Variants in THSD4 observed in about 807,000 individuals in gnomAD.
THSD4 encodes thrombospondin type 1 domain containing 4, also known as thrombospondin type-1 domain-containing protein 4.
Under a neutral mutation model 119.0 loss-of-function variants are expected in THSD4, and 69 were observed. The ratio of observed to expected loss-of-function variants is 0.58; its 90% CI spans 0.48 to 0.71. The LOEUF is 0.71. Among genes scored for constraint, THSD4 ranks in the 30% least tolerant of loss-of-function variants. The pLI is 0.00. For missense variants in THSD4, 1,393 were observed against 1,391.1 expected, an observed-to-expected ratio of 1.00 and a Z score of -0.02; for synonymous variants, 524 against 540.4, an observed-to-expected ratio of 0.97 and a Z score of 0.42.
At chr15:71,235,714 G>T (rs142917079) in intron 4 of THSD4, among the ~76,000 whole-genome samples, 14 of 150,716 alleles carry the variant, frequency 9.3e-5, no homozygotes, top group Non-Finnish European at 1.5e-4. Context: ...AGCCTCTCCC[G>T]AGTAGCTGGG....
chr15:71,735,590 CTCTCTCTTGCTCTCTG>C (rs1411701441), intron 10 of THSD4, among the ~76,000 whole-genome samples: 7 of 151,780 alleles, frequency 4.6e-5, no homozygotes, highest in South Asian at 2.1e-4. Flanking sequence ...GTTTCTCTCT[CTCTCTCTTGCTCTCTG>C]TCTCTCTTGC....
In THSD4 at chr15:71,637,800, A is replaced by T. The variant is rs148910782; in HGVS notation, c.1153-22730A>T. Among the ~76,000 whole-genome samples, 74 of 151,794 alleles carry T rather than the reference A, an allele frequency of 4.9e-4. No homozygotes were observed. The South Asian group carries it at 0.014, about 28-fold the overall frequency. ...GAGTGCAATGGTGTGACCTCAGCTCAGTGCAACCTCTGCCTCCTGGGTTCA... is the reference window on the plus strand; with the variant it reads ...GAGTGCAATGGTGTGACCTCAGCTCTGTGCAACCTCTGCCTCCTGGGTTCA... On this transcript the variant is annotated intron_variant, in intron 7 of 17. Coordinates refer to ENST00000261862, the MANE Select transcript of THSD4 (RefSeq NM_024817.3).
chr15:71,199,904 G>GCTGTGTATGA (rs2043784204), intron 3 of THSD4, among the ~76,000 whole-genome samples: 1 of 61,710 alleles, frequency 1.6e-5, no homozygotes, highest in African/African-American at 4.1e-5. Flanking sequence ...TGTGTGTGTG[G>GCTGTGTATGA]TGCATGTGTG....
chr15:71,732,445 C>G (rs2052998822), intron 10 of THSD4: 1 of 152,216 alleles, frequency 6.6e-6, no homozygotes, highest in Non-Finnish European at 1.5e-5. Flanking sequence ...AGACATTTCT[C>G]TACCGGAGGA....
intron 3 of THSD4, among the ~76,000 whole-genome samples, chr15:71,193,710 TC>T (rs1237020518): frequency 1.4e-4 from 6 of 42,172 alleles, no homozygotes; most frequent in African/African-American, 2.8e-4. Flanking sequence ...TGATGGTTTT[TC>T]TTTTCTTTTT....
intron 7 of THSD4, among the ~76,000 whole-genome samples, chr15:71,569,060 A>C (rs1332728858): frequency 6.6e-6 from 1 of 152,242 alleles, no homozygotes; most frequent in Non-Finnish European, 1.5e-5. Flanking sequence ...AACATCCCCC[A>C]AAATGCCTTC....
chr15:71,300,239 T>C (rs35280971), intron 6 of THSD4, among the ~76,000 whole-genome samples: 21,978 of 151,784 alleles, frequency 0.14, 1,643 homozygotes, highest in South Asian at 0.27. Context: ...AACAAAAAAA[T>C]AATGTGTTTA....
At position 71,753,054 on chromosome 15, in the gene THSD4, C is replaced by T. The variant is rs189232086; in HGVS notation, c.2415+4460C>T. 1.6e-4 allele frequency among the ~76,000 whole-genome samples: 25 copies of T among 152,250 alleles called. No individual in the cohort carries two copies. The East Asian group carries it at 2.9e-3, about 18-fold the overall frequency. On this transcript the variant is annotated intron_variant, in intron 14 of 17. Coordinates refer to ENST00000261862, the MANE Select transcript of THSD4 (RefSeq NM_024817.3). Reference sequence around the variant, plus strand: ...GGAGAGACCAAAGAAAATTAAAGTTCGCAAACACTTAAGAGTACAGAGTGT... The same window carrying T: ...GGAGAGACCAAAGAAAATTAAAGTTTGCAAACACTTAAGAGTACAGAGTGT...
At chr15:71,578,210 G>A (rs1159494766) in intron 7 of THSD4, among the ~76,000 whole-genome samples, 1 of 149,710 alleles carries the variant, frequency 6.7e-6, no homozygotes, top group African/African-American at 2.4e-5. Flanking sequence ...TTGATAAATT[G>A]AATATATATA....
chr15:71,646,045 T>C (rs2050962706), intron 7 of THSD4, among the ~76,000 whole-genome samples: 1 of 152,238 alleles, frequency 6.6e-6, no homozygotes, highest in Non-Finnish European at 1.5e-5. Context: ...CTTGCCTTTG[T>C]GGCTTCCACC....
intron 6 of THSD4, among the ~76,000 whole-genome samples, chr15:71,286,050 A>G (rs1365364180): frequency 6.6e-6 from 1 of 151,768 alleles, no homozygotes. Flanking sequence ...TATTTGATGT[A>G]TTTGTTCTAC....
In THSD4 at chr15:71,562,698, C is replaced by CTTT. The variant is rs34555744; in HGVS notation, c.1153-97820_1153-97818dup. ...ACACCTAAGCCTACCACCTTTGGTC[C>CTTT]TTTTTTTTTTTTTTCTTTTCTGAAA... On this transcript the variant is annotated intron_variant, in intron 7 of 17. Transcript: ENST00000261862. 3.0e-3 allele frequency among the ~76,000 whole-genome samples: 373 copies of CTTT among 125,240 alleles called. 16 individuals carry two copies. Among genetic ancestry groups the CTTT allele is most frequent in the Middle Eastern group, 4.6e-3 (1 of 218 alleles). The allele number at this position is 125,240 out of a possible 152,430, so 82.2% of individuals were successfully genotyped here. A position where few individuals can be genotyped will look rare whatever the true frequency, so the allele number is the denominator to read the frequency against.
chr15:71,655,544 G>C (rs1480103195), intron 7 of THSD4, among the ~76,000 whole-genome samples: 1 of 152,178 alleles, frequency 6.6e-6, no homozygotes, highest in Admixed American at 6.5e-5. Flanking sequence ...AGCATTTTCT[G>C]AGAAGCCACC....
chr15:71,504,361 A>T (rs1044348966), intron 7 of THSD4, among the ~76,000 whole-genome samples: 1 of 152,224 alleles, frequency 6.6e-6, no homozygotes, highest in African/African-American at 2.4e-5. Flanking sequence ...AGGTGAAAAT[A>T]GTCACCACTG....
At chr15:71,447,109 A>AT (rs1491223591) in intron 7 of THSD4, among the ~76,000 whole-genome samples, 3,548 of 69,182 alleles carry the variant, frequency 0.051, 404 homozygotes, top group African/African-American at 0.071. Context: ...TCTTCCCTCC[A>AT]TTTTTTTTGT....
rs545680893 is a variant in THSD4 at position 71,447,054 on chromosome 15, G to A, written c.1152+35231G>A. 4.6e-5 allele frequency among the ~76,000 whole-genome samples: 7 copies of A among 151,770 alleles called. No homozygotes were observed. In the South Asian group the frequency reaches 1.3e-3, roughly 27 times the overall value. ...AGGCACTGTTAGCATGGAGGAAGGGGGAAGTGCCCAGTGGGTTTGCAAACA... is the reference window on the plus strand; with the variant it reads ...AGGCACTGTTAGCATGGAGGAAGGGAGAAGTGCCCAGTGGGTTTGCAAACA... On this transcript the variant is annotated intron_variant, in intron 7 of 17. Coordinates refer to ENST00000261862, the MANE Select transcript of THSD4 (RefSeq NM_024817.3).
At chr15:71,755,536 C>T (rs1408162966) in intron 14 of THSD4, among the ~76,000 whole-genome samples, 1 of 151,840 alleles carries the variant, frequency 6.6e-6, no homozygotes, top group African/African-American at 2.4e-5. Context: ...TGCTAAAGGG[C>T]CACGTCTAGG....
chr15:71,135,011 T>C (rs2040536094), intron 1 of THSD4, among the ~76,000 whole-genome samples: 1 of 145,872 alleles, frequency 6.9e-6, no homozygotes, highest in Non-Finnish European at 1.5e-5. Context: ...ATGTGGCACA[T>C]ATACACCATG....
At chr15:71,401,184 T>G (rs1319941260) in intron 6 of THSD4, among the ~76,000 whole-genome samples, 1 of 152,126 alleles carries the variant, frequency 6.6e-6, no homozygotes, top group East Asian at 1.9e-4. Flanking sequence ...TTTAGCAATA[T>G]TTTGCTTCCC....
Sources: gnomAD v4.1 joint callset for allele counts (sites outside exome capture counted in the v4.1 genomes callset) on GRCh38, gnomAD v4.1.1 for gene constraint, MANE v1.5 for transcripts, NCBI Gene and HGNC (gene_info 2026-07-23, HGNC 2026-07-21) for gene names.